The following LRP5 variants were observed in gnomAD, a reference collection of about 807,000 sequenced individuals.
The protein encoded by LRP5 is LDL receptor related protein 5.
In LRP5, 62 loss-of-function variants were observed where a neutral mutation model predicts 154.1. The observed-to-expected ratio is 0.40, with a 90% CI of 0.33 to 0.50. The LOEUF (loss-of-function observed/expected upper bound fraction) is 0.50. Ranked by LOEUF, LRP5 falls within the 20% of genes least tolerant of loss-of-function variation. The pLI is 0.55. For missense variants in LRP5, 1,915 were observed against 2,336.7 expected, an observed-to-expected ratio of 0.82 and a Z score of 3.72; for synonymous variants, 966 against 1,011.5, an observed-to-expected ratio of 0.96 and a Z score of 0.85.
At chr11:68,312,156 C>T (rs2098588368), upstream of LRP5, among the ~76,000 whole-genome samples, 1 of 152,226 alleles carries the variant, frequency 6.6e-6, no homozygotes. Context: ...CCCAGCCGGC[C>T]ACTTCTCTCC....
rs72555376 is a variant in LRP5, at chr11:68,312,746, C to CGCT, written c.58_60dup (p.Leu20dup). 88,398 of 1,060,778 alleles carry CGCT rather than the reference C, an allele frequency of 0.083. 2,064 individuals are homozygous for CGCT. The highest frequency in any genetic ancestry group is 0.15 in the African/African-American group (8,818 of 56,998). The allele number at this position is 1,060,778 out of a possible 1,614,324, so 65.7% of individuals were successfully genotyped here. On this transcript the variant is annotated inframe_insertion, in exon 1 of 23. Coordinates refer to ENST00000294304, the MANE Select transcript of LRP5 (RefSeq NM_002335.4). ...GCAGCGCCGCCCGGGCCGCCGTGGC[C>CGCT]GCTGCTGCTGCTGCTGCTGCTGCTG... is the stretch of plus-strand genomic sequence containing the variant.
chr11:68,355,918 CA>C (rs1298180929), intron 2 of LRP5, among the ~76,000 whole-genome samples: 1 of 152,080 alleles, frequency 6.6e-6, no homozygotes, highest in African/African-American at 2.4e-5. Context: ...TGGCTCACTG[CA>C]AGCTCCGCCT....
chr11:68,390,318 T>A (rs1169206839), intron 7 of LRP5, among the ~76,000 whole-genome samples: 1 of 152,242 alleles, frequency 6.6e-6, no homozygotes, highest in Non-Finnish European at 1.5e-5. Context: ...GGAGGATCGC[T>A]GGAGTCCAAG....
At chr11:68,430,124 G>T (rs546201441) in intron 17 of LRP5, among the ~76,000 whole-genome samples, 2 of 152,194 alleles carry the variant, frequency 1.3e-5, no homozygotes, top group East Asian at 3.9e-4. Flanking sequence ...AATGTGTTGG[G>T]TGTGGTGTTT....
At chr11:68,407,849 GA>G (rs1231829410) in intron 9 of LRP5, among the ~76,000 whole-genome samples, 5 of 149,876 alleles carry the variant, frequency 3.3e-5, no homozygotes, top group African/African-American at 4.9e-5. Flanking sequence ...CTCCGTCTCA[GA>G]AAAAAAAAAG....
At chr11:68,411,649 A>G in intron 11 of LRP5, 29 bp downstream of exon 11, 1 of 1,593,950 alleles carries the variant, frequency 6.3e-7, no homozygotes, top group Non-Finnish European at 8.5e-7. Context: ...CCTTCTGGTC[A>G]TGGAGGGCGG....
At position 68,404,895 on chromosome 11, in the gene LRP5, G is replaced by A. The variant is rs551543560; in HGVS notation, c.1801+1196G>A. On this transcript the variant is annotated intron_variant, in intron 8 of 22. Coordinates refer to ENST00000294304, the MANE Select transcript of LRP5 (RefSeq NM_002335.4). ...TGAGGCAGGAGAATGGCGTGAACCC[G>A]GGAAGCGGAGCTTGCAGTGAGCCGA... Among the ~76,000 whole-genome samples, 12 of 151,400 alleles carry A rather than the reference G, an allele frequency of 7.9e-5. No homozygotes were observed. The East Asian group carries it at 1.4e-3, about 17-fold the overall frequency.
intron 5 of LRP5, among the ~76,000 whole-genome samples, chr11:68,379,440 A>G (rs1039391349): frequency 6.6e-6 from 1 of 152,186 alleles, no homozygotes; most frequent in African/African-American, 2.4e-5. Flanking sequence ...GCTGACCAGG[A>G]AGCCTGCGGT....
chr11:68,445,630 A>G (rs908730755), intron 21 of LRP5: 1 of 1,318,466 alleles, frequency 7.6e-7, no homozygotes, highest in Non-Finnish European at 9.9e-7. Flanking sequence ...CATAAGCCCT[A>G]CACCCTTTGG....
chr11:68,444,387 C>T (rs940624064), intron 21 of LRP5, among the ~76,000 whole-genome samples: 1 of 152,226 alleles, frequency 6.6e-6, no homozygotes, highest in African/African-American at 2.4e-5. Flanking sequence ...TGTGGTGGCG[C>T]ATGCCTGTAA....
At chr11:68,403,884 G>T (rs1413366848) in intron 8 of LRP5, 185 bp downstream of exon 8, 1 of 653,538 alleles carries the variant, frequency 1.5e-6, no homozygotes, top group Non-Finnish European at 2.6e-6. Context: ...TGATTAGGGA[G>T]TGGTTATGGA....
Position 68,413,027 on chromosome 11 carries a change from G to A in LRP5, c.2504-662G>A. On this transcript the variant is annotated intron_variant, in intron 11 of 22. Coordinates refer to ENST00000294304, the MANE Select transcript of LRP5 (RefSeq NM_002335.4). The surrounding 1 kb of genome is among the most constrained non-coding windows in gnomAD (Gnocchi z 5.1). ...TGTCGCTGGGGGTGGGCTGCACCCT[G>A]ACTTGTGAGGCCAGTAGCAAGGTTT... 1 of 182,304 alleles carries A rather than the reference G, an allele frequency of 5.5e-6. No homozygotes were observed. The highest frequency in any genetic ancestry group is 1.2e-5 in the Non-Finnish European group (1 of 85,496). 11.3% of individuals were successfully genotyped at this position (182,304 alleles called of 1,614,324 possible).
chr11:68,418,083 G>A (rs996413559), intron 13 of LRP5, among the ~76,000 whole-genome samples: 1 of 152,200 alleles, frequency 6.6e-6, no homozygotes, highest in Non-Finnish European at 1.5e-5. Flanking sequence ...AGGTTCATTA[G>A]TGTAGAATTC....
Position 68,386,262 on chromosome 11 carries a change from C to T in LRP5, c.1016-54C>T, listed in dbSNP as rs2098642931. ...TTGCCCGGCCCACCCCAGGCCTAGA[C>T]TTGTGCCTGCTGCAGGCCCTTGACC... On this transcript the variant is annotated intron_variant, in intron 5 of 22. Transcript: ENST00000294304. The surrounding 1 kb of genome is among the most constrained non-coding windows in gnomAD (Gnocchi z 7.9). The T allele has an allele frequency of 1.2e-6, 2 of 1,602,616 alleles. No homozygotes were observed. Among genetic ancestry groups the T allele is most frequent in the Non-Finnish European group, 1.7e-6 (2 of 1,178,502 alleles).
At chr11:68,376,127 G>A (rs118181029) in intron 5 of LRP5, among the ~76,000 whole-genome samples, 25 of 151,380 alleles carry the variant, frequency 1.7e-4, no homozygotes, top group Middle Eastern at 3.4e-3. Context: ...CCAGGCACGC[G>A]TCCTGGGAGC....
chr11:68,434,843 A>C (rs995255773), intron 18 of LRP5, among the ~76,000 whole-genome samples: 3 of 152,204 alleles, frequency 2.0e-5, no homozygotes, highest in Admixed American at 6.5e-5. Flanking sequence ...CTACGTCCTC[A>C]TTCACAAAGA....
intron 5 of LRP5, among the ~76,000 whole-genome samples, chr11:68,384,382 G>C (rs926996236): frequency 6.6e-6 from 1 of 152,196 alleles, no homozygotes; most frequent in Non-Finnish European, 1.5e-5. Context: ...GTTCAGCCCC[G>C]GGCCCCTTTG....
At chr11:68,394,508 C>T (rs2098648119) in intron 7 of LRP5, among the ~76,000 whole-genome samples, 1 of 151,900 alleles carries the variant, frequency 6.6e-6, no homozygotes, top group Non-Finnish European at 1.5e-5. Flanking sequence ...CTCTCTTGCC[C>T]AGTCTGGAGT....
chr11:68,439,827 CG>C lies in LRP5; in HGVS notation c.4403del (p.Gly1468AlafsTer31). 6.2e-7 allele frequency: 1 copy of C among 1,610,364 alleles called. No homozygotes were observed. The highest frequency in any genetic ancestry group is 8.5e-7 in the Non-Finnish European group (1 of 1,178,968). On this transcript the variant is annotated frameshift_variant, in exon 21 of 23. Coordinates refer to ENST00000294304, the MANE Select transcript of LRP5 (RefSeq NM_002335.4). LOFTEE classifies it high-confidence loss of function. The part of the protein sequence containing the change: ...MMSSVSLMGG[R>X]GGVPLYDRNH... ...GAGCTCCGTGAGCCTGATGGGGGGC[CG>C]GGGCGGGGTGCCCCTCTACGACCGG...
Sources: allele counts gnomAD v4.1 joint callset (sites outside exome capture counted in the v4.1 genomes callset), GRCh38; gene constraint gnomAD v4.1.1; non-coding constraint Gnocchi (gnomAD v3.1); transcripts MANE v1.5; gene names NCBI Gene and HGNC (gene_info 2026-07-23, HGNC 2026-07-21).